The following GRM7 variants were observed in gnomAD, a reference collection of about 807,000 sequenced individuals.
The protein encoded by GRM7 is metabotropic glutamate receptor 7.
Under a neutral mutation model 84.5 loss-of-function variants are expected in GRM7, and 35 were observed. The ratio of observed to expected loss-of-function variants is 0.41; its 90% CI spans 0.32 to 0.55. The LOEUF is 0.55. GRM7 is among the 20% of genes least tolerant of loss of function. GRM7 has a pLI of 0.19. For synonymous variants in GRM7, 487 were observed against 455.1 expected, an observed-to-expected ratio of 1.07 and a Z score of -0.89; for missense variants, 1,003 against 1,194.6, an observed-to-expected ratio of 0.84 and a Z score of 2.36.
chr3:7,406,728 T>C (rs1012932498), intron 4 of GRM7, among the ~76,000 whole-genome samples: 8 of 152,238 alleles, frequency 5.3e-5, no homozygotes, highest in African/African-American at 1.9e-4. Context: ...ACATATCTGG[T>C]AAAACTAATA....
chr3:7,162,260 C>T (rs778123098), intron 2 of GRM7, among the ~76,000 whole-genome samples: 2 of 151,794 alleles, frequency 1.3e-5, no homozygotes, highest in African/African-American at 4.8e-5. Context: ...AGATGGGAAG[C>T]GATTACTTCA....
At chr3:7,604,908 A>G (rs1696489826) in intron 8 of GRM7, among the ~76,000 whole-genome samples, 1 of 152,176 alleles carries the variant, frequency 6.6e-6, no homozygotes, top group South Asian at 2.1e-4. Context: ...GAATTATCAA[A>G]AGCTTAAGAA....
chr3:7,566,115 T>A (rs917455162), intron 7 of GRM7, among the ~76,000 whole-genome samples: 1 of 40,630 alleles, frequency 2.5e-5, no homozygotes, highest in Non-Finnish European at 7.5e-5. Flanking sequence ...TTTTTTTTTT[T>A]TTTTTTTTTT....
At chr3:7,183,181 G>T (rs1248271029) in intron 2 of GRM7, among the ~76,000 whole-genome samples, 1 of 152,090 alleles carries the variant, frequency 6.6e-6, no homozygotes, top group Non-Finnish European at 1.5e-5. Flanking sequence ...AAATGACAAA[G>T]GATAAATTTG....
chr3:7,478,448 C>T (rs969749857), intron 7 of GRM7, among the ~76,000 whole-genome samples: 1 of 152,036 alleles, frequency 6.6e-6, no homozygotes, highest in African/African-American at 2.4e-5. Context: ...GAACATTTTG[C>T]AAAGGAAGGA....
chr3:7,599,933 A>G (rs929098888), intron 8 of GRM7, among the ~76,000 whole-genome samples: 12 of 152,228 alleles, frequency 7.9e-5, no homozygotes, highest in African/African-American at 2.9e-4. Flanking sequence ...TGAGTGATAC[A>G]GTGGTTTATT....
chr3:7,492,362 A>G (rs1699552509), intron 7 of GRM7, among the ~76,000 whole-genome samples: 1 of 152,124 alleles, frequency 6.6e-6, no homozygotes, highest in African/African-American at 2.4e-5. Context: ...GTAGTTTTTA[A>G]TTGCATATTT....
chr3:7,104,886 C>T (rs1699241806), intron 1 of GRM7, among the ~76,000 whole-genome samples: 1 of 151,650 alleles, frequency 6.6e-6, no homozygotes, highest in African/African-American at 2.4e-5. Flanking sequence ...GTCTGGCATC[C>T]AGAATGTTAA....
intron 5 of GRM7, among the ~76,000 whole-genome samples, chr3:7,447,248 G>T (rs74591646): frequency 0.01 from 1,536 of 152,184 alleles, 37 homozygotes; most frequent in African/African-American, 0.035. Flanking sequence ...GAGATCAAAA[G>T]AACGTCCTGT....
intron 4 of GRM7, among the ~76,000 whole-genome samples, chr3:7,366,555 C>G (rs911764812): frequency 1.5e-4 from 23 of 151,712 alleles, no homozygotes; most frequent in Admixed American, 1.4e-3. Flanking sequence ...ATTTCTAGTA[C>G]TTAATATGGT....
At chr3:7,025,350 C>A (rs1438738207) in intron 1 of GRM7, among the ~76,000 whole-genome samples, 1 of 152,112 alleles carries the variant, frequency 6.6e-6, no homozygotes, top group Non-Finnish European at 1.5e-5. Context: ...ATTCTGTCCG[C>A]CAGGAAGAAA....
intron 8 of GRM7, among the ~76,000 whole-genome samples, chr3:7,619,538 A>G (rs984561532): frequency 4.6e-5 from 7 of 152,046 alleles, no homozygotes; most frequent in African/African-American, 1.7e-4. Flanking sequence ...TTTCGAACAA[A>G]ATGCAAACTT....
chr3:7,381,150 CTAT>C (rs1694573830), intron 4 of GRM7, among the ~76,000 whole-genome samples: 2 of 151,796 alleles, frequency 1.3e-5, no homozygotes, highest in South Asian at 4.2e-4. Flanking sequence ...TGACTTTATG[CTAT>C]TATTTAGTTA....
intron 7 of GRM7, among the ~76,000 whole-genome samples, chr3:7,525,417 C>A (rs1394344235): frequency 6.6e-6 from 1 of 152,014 alleles, no homozygotes; most frequent in Non-Finnish European, 1.5e-5. Flanking sequence ...TGGGGTCTCC[C>A]TATGTTACCC....
intron 2 of GRM7, among the ~76,000 whole-genome samples, chr3:7,157,193 C>T (rs1694480339): frequency 6.6e-6 from 1 of 152,064 alleles, no homozygotes; most frequent in Admixed American, 6.6e-5. Context: ...GAAAGCACCC[C>T]ATTGTCTGCA....
chr3:7,439,635 T>C (rs1338454117), intron 5 of GRM7, among the ~76,000 whole-genome samples: 1 of 152,158 alleles, frequency 6.6e-6, no homozygotes, highest in African/African-American at 2.4e-5. Context: ...GTATTATTCT[T>C]TGTTGTTTTG....
At chr3:6,986,659 G>C (rs1296372403) in intron 1 of GRM7, among the ~76,000 whole-genome samples, 2 of 152,204 alleles carry the variant, frequency 1.3e-5, no homozygotes. Flanking sequence ...ATAGGCTGCT[G>C]TGTTTTTTGA....
intron 4 of GRM7, among the ~76,000 whole-genome samples, chr3:7,370,315 A>G (rs1694078004): frequency 1.3e-5 from 2 of 152,100 alleles, no homozygotes; most frequent in Admixed American, 6.6e-5. Flanking sequence ...TTATCCATGT[A>G]CCCCACAGGC....
chr3:7,686,263 G>A (rs993776826), intron 9 of GRM7: 31 of 626,594 alleles, frequency 4.9e-5, no homozygotes, highest in African/African-American at 1.1e-4. Flanking sequence ...GGTCTCTATC[G>A]CAGCCTTTTC....
Sources: allele counts gnomAD v4.1 joint callset (sites outside exome capture counted in the v4.1 genomes callset), GRCh38; gene constraint gnomAD v4.1.1; transcripts MANE v1.5; gene names NCBI Gene and HGNC (gene_info 2026-07-23, HGNC 2026-07-21).